APC: variants seen among roughly 807,000 people sequenced by gnomAD.
The protein encoded by APC is adenomatous polyposis coli protein.
Under a neutral mutation model 247.0 loss-of-function variants are expected in APC, and 72 were observed. The observed-to-expected ratio is 0.29, with a 90% CI of 0.24 to 0.35. The LOEUF (loss-of-function observed/expected upper bound fraction) is 0.35. Among genes scored for constraint, APC ranks in the 10% least tolerant of loss-of-function variants. The pLI is 1.00. For missense variants in APC, 3,400 were observed against 3,360.7 expected (o/e 1.01, Z -0.29); for synonymous variants, 1,254 against 1,162.5 (o/e 1.08, Z -1.60).
rs370581125 is a variant in APC, at chr5:112,843,257, T to A, written c.7663T>A (p.Ser2555Thr). Residue 2555 changes from serine (S) to threonine (T), a missense_variant, in exon 16 of 16, where the codon TCA becomes ACA. By Grantham distance (58) the Ser-to-Thr change is moderately conservative. Around this residue, in one of 9 missense-constraint regions of APC, gnomAD observed 1,788 missense variants for 1,649.5 expected, o/e 1.08. Coordinates refer to ENST00000257430, the MANE Select transcript of APC (RefSeq NM_000038.6). The surrounding 1 kb of genome is among the most constrained non-coding windows in gnomAD (Gnocchi z 4.8). ...CTGGAAACGTGAGCACAGCAAACAT[T>A]CATCATCCCTTCCTCGAGTAAGCAC... Reference protein sequence around the residue: ...GTWKREHSKHSSSLPRVSTWR... With the variant: ...GTWKREHSKHTSSLPRVSTWR... The A allele has an allele frequency of 6.2e-7, 1 of 1,613,608 alleles. No individual in the cohort carries two copies. Among genetic ancestry groups the A allele is most frequent in the Non-Finnish European group, 8.5e-7 (1 of 1,179,660 alleles).
At position 112,827,151 on chromosome 5, in the gene APC, A is replaced by G. The variant is rs1350430751; in HGVS notation, c.1452A>G (p.Glu484=). ...CAGAATTATTGCAAGTGGACTGTGAAATGTATGGGCTTACTAATGACCACT... is the reference window on the plus strand; with the variant it reads ...CAGAATTATTGCAAGTGGACTGTGAGATGTATGGGCTTACTAATGACCACT... ...AIAELLQVDC[E]MYGLTNDHYS... Residue 484 remains glutamate, a synonymous_variant, in exon 12 of 16, where the codon GAA becomes GAG. Coordinates refer to ENST00000257430, the MANE Select transcript of APC (RefSeq NM_000038.6). 3.7e-6 allele frequency: 6 copies of G among 1,613,776 alleles called. No individual in the cohort carries two copies. The South Asian group carries it at 5.5e-5, about 15-fold the overall frequency.
chr5:112,740,065 A>G (rs890952703), intron 1 of APC, among the ~76,000 whole-genome samples: 1 of 151,170 alleles, frequency 6.6e-6, no homozygotes, highest in Non-Finnish European at 1.5e-5. Flanking sequence ...AATAATATAT[A>G]ACAGAGGTAA....
intron 7 of APC, among the ~76,000 whole-genome samples, chr5:112,796,590 T>G (rs1760233851): frequency 6.6e-6 from 1 of 151,930 alleles, no homozygotes; most frequent in African/African-American, 2.4e-5. Flanking sequence ...CAATGGACTC[T>G]TTTTTTACCT....
chr5:112,726,325 C>T (rs1052808002), intron 1 of APC, among the ~76,000 whole-genome samples: 1 of 152,166 alleles, frequency 6.6e-6, no homozygotes, highest in African/African-American at 2.4e-5. Context: ...AGGTGGCTCT[C>T]AGTGAGATGG....
intron 8 of APC, among the ~76,000 whole-genome samples, chr5:112,808,670 G>A (rs1258528946): frequency 6.6e-6 from 1 of 152,062 alleles, no homozygotes; most frequent in Non-Finnish European, 1.5e-5. Context: ...TCAGCCTCCT[G>A]AGTTGCTGGG....
At chr5:112,714,952 A>G (rs1263535807) in intron 1 of APC, among the ~76,000 whole-genome samples, 1 of 152,350 alleles carries the variant, frequency 6.6e-6, no homozygotes, top group East Asian at 1.9e-4. Flanking sequence ...AGAAGCAAGT[A>G]TATATAACAT....
upstream of APC, among the ~76,000 whole-genome samples, chr5:112,736,577 A>G (rs1268277850): frequency 2.6e-5 from 4 of 152,190 alleles, no homozygotes; most frequent in Non-Finnish European, 5.9e-5. Context: ...TTCTTTTCAT[A>G]CTATTTGAAA....
chr5:112,721,982 A>G (rs1644242), intron 1 of APC, among the ~76,000 whole-genome samples: 10,760 of 152,174 alleles, frequency 0.071, 436 homozygotes, highest in Middle Eastern at 0.14. Context: ...CCTGGGGACA[A>G]ATTTGCTCTA....
intron 4 of APC, among the ~76,000 whole-genome samples, chr5:112,771,494 G>A (rs538633522): frequency 2.8e-4 from 43 of 152,236 alleles, no homozygotes; most frequent in Admixed American, 6.5e-4. Context: ...TTTCTTGCTT[G>A]TGTGATAGTA....
rs763383991 is a variant in APC at position 112,844,139 on chromosome 5, A to G, written c.*13A>G. 6.2e-7 allele frequency: 1 copy of G among 1,601,624 alleles called. No homozygotes were observed. Among genetic ancestry groups the G allele is most frequent in the Admixed American group, 1.7e-5 (1 of 59,802 alleles). On this transcript the variant is annotated 3_prime_UTR_variant, in exon 16 of 16. Coordinates refer to ENST00000257430, the MANE Select transcript of APC (RefSeq NM_000038.6). The stretch of plus-strand genomic sequence containing the variant: ...GACATCTGTTTAAAAGAGAGGAAGA[A>G]TGAAACTAAGAAAATTCTATGTTAA...
chr5:112,843,836 G>T lies in APC; in HGVS notation c.8242G>T (p.Val2748Leu). The T allele has an allele frequency of 6.2e-7, 1 of 1,614,064 alleles. No individual in the cohort carries two copies. Among genetic ancestry groups the T allele is most frequent in the Non-Finnish European group, 8.5e-7 (1 of 1,179,948 alleles). Reference protein sequence around the residue: ...IKPGQNNPVPVSETNESSIVE... With the variant: ...IKPGQNNPVPLSETNESSIVE... ...ACCAGGACAAAATAATCCTGTCCCT[G>T]TATCAGAGACTAATGAAAGTTCTAT... The change falls in exon 16 of 16, where the codon GTA becomes TTA. Residue 2748 changes from valine (V) to leucine (L), a missense_variant. Val to Leu is a conservative substitution (Grantham distance 32, BLOSUM62 1). This residue lies in a region of APC where 1,788 missense variants were observed against 1,649.5 expected (regional missense o/e 1.08). Coordinates refer to ENST00000257430, the MANE Select transcript of APC (RefSeq NM_000038.6). This position sits in a 1 kb window ranked among gnomAD's most constrained non-coding sequence, Gnocchi z 4.8.
intron 1 of APC, among the ~76,000 whole-genome samples, chr5:112,741,566 T>C (rs1467384658): frequency 2.6e-5 from 4 of 152,236 alleles, no homozygotes; most frequent in Non-Finnish European, 5.9e-5. Flanking sequence ...AGCATCATTT[T>C]GTGAGTCTGT....
intron 6 of APC, among the ~76,000 whole-genome samples, chr5:112,784,248 A>T (rs1283850056): frequency 6.6e-6 from 1 of 152,084 alleles, no homozygotes; most frequent in African/African-American, 2.4e-5. Context: ...TTGTATTTTT[A>T]GTAGAAACAG....
intron 1 of APC, among the ~76,000 whole-genome samples, chr5:112,742,600 G>A (rs1487990979): frequency 6.6e-6 from 1 of 152,206 alleles, no homozygotes; most frequent in Non-Finnish European, 1.5e-5. Context: ...CTATTGGCAA[G>A]AGACCTCAGT....
At chr5:112,790,850 T>C (rs941589553) in intron 6 of APC, among the ~76,000 whole-genome samples, 39 of 152,356 alleles carry the variant, frequency 2.6e-4, no homozygotes, top group African/African-American at 8.7e-4. Context: ...AAATATTTTA[T>C]TGATGGAGAA....
intron 9 of APC, among the ~76,000 whole-genome samples, chr5:112,818,563 A>C (rs530325346): frequency 6.6e-6 from 1 of 152,310 alleles, no homozygotes; most frequent in South Asian, 2.1e-4. Flanking sequence ...AAATAAGATA[A>C]AGTTTTAAAT....
rs2545164 is a variant in APC, at chr5:112,817,968, C to T, written c.934-998C>T. ...TAAAGGTGTATGTGTATTTACGCATCTAAAGCAGCATTTCTAAACCTCAGC... is the reference window on the plus strand; with the variant it reads ...TAAAGGTGTATGTGTATTTACGCATTTAAAGCAGCATTTCTAAACCTCAGC... On this transcript the variant is annotated intron_variant, in intron 9 of 15. Coordinates refer to ENST00000257430, the MANE Select transcript of APC (RefSeq NM_000038.6). Among the ~76,000 whole-genome samples the T allele has an allele frequency of 0.63, 95,666 of 152,066 alleles. 30,443 individuals carry two copies. Among genetic ancestry groups the T allele is most frequent in the East Asian group, 0.82 (4,255 of 5,184 alleles).
chr5:112,763,665 G>A lies in APC; in HGVS notation c.136-2661G>A, dbSNP rs548228192. On this transcript the variant is annotated intron_variant, in intron 2 of 15. Transcript: ENST00000257430. ...TTTGTAACTTTTCTAAAAACAAGTA[G>A]GATTTTTTCTAATACATATTGTTTA... 2.0e-5 allele frequency among the ~76,000 whole-genome samples: 3 copies of A among 152,054 alleles called. No homozygotes were observed. In the East Asian group the frequency reaches 5.8e-4, roughly 29 times the overall value.
At chr5:112,727,508 C>G (rs188343775) in intron 1 of APC, among the ~76,000 whole-genome samples, 1 of 152,266 alleles carries the variant, frequency 6.6e-6, no homozygotes, top group Non-Finnish European at 1.5e-5. Context: ...TTTATTCTTT[C>G]ATAAACACCC....
Sources: gnomAD v4.1 joint callset for allele counts (sites outside exome capture counted in the v4.1 genomes callset) on GRCh38, gnomAD v4.1.1 for gene constraint, gnomAD v4.1.1 regional missense constraint, Gnocchi (gnomAD v3.1) non-coding constraint, MANE v1.5 for transcripts, NCBI Gene and HGNC (gene_info 2026-07-23, HGNC 2026-07-21) for gene names.